The following SPOPL variants were observed in gnomAD, a reference collection of about 807,000 sequenced individuals.
SPOPL encodes the protein speckle type BTB/POZ protein like, also known as speckle-type POZ protein-like.
SPOPL carries 23 observed loss-of-function variants against 53.8 expected under a neutral mutation model. The ratio of observed to expected loss-of-function variants is 0.43; its 90% CI spans 0.31 to 0.61. SPOPL has a LOEUF of 0.61. Among genes scored for constraint, SPOPL ranks in the 20% least tolerant of loss-of-function variants. The probability of loss-of-function intolerance (pLI) is 0.12; values close to 1 mark genes in which losing one functional copy is unlikely to be tolerated. For missense variants in SPOPL, 442 were observed against 466.9 expected, an observed-to-expected ratio of 0.95 and a Z score of 0.49; for synonymous variants, 164 against 149.7, an observed-to-expected ratio of 1.10 and a Z score of -0.70.
At chr2:138,523,698 C>G (rs1420848866) in intron 1 of SPOPL, among the ~76,000 whole-genome samples, 1 of 152,170 alleles carries the variant, frequency 6.6e-6, no homozygotes, top group Non-Finnish European at 1.5e-5. Context: ...CATGCAAATT[C>G]AAAATCCAGC....
rs1018782843 is a variant in SPOPL at position 138,572,955 on chromosome 2, CAGTAAATTTTGCATT to C, written c.*3876_*3890del. On this transcript the variant is annotated 3_prime_UTR_variant, in exon 11 of 11. Transcript: ENST00000280098. ...GAGTTTATCATTGTATACTGTAACC[CAGTAAATTTTGCATT>C]CAGTTTTAAAAAATGAAGATGTAAC... is the stretch of plus-strand genomic sequence containing the variant. 6.6e-6 allele frequency: 1 copy of C among 152,154 alleles called. No individual in the cohort carries two copies. The highest frequency in any genetic ancestry group is 2.4e-5 in the African/African-American group (1 of 41,366). The allele number at this position is 152,154 out of a possible 1,614,324, so 9.4% of individuals were successfully genotyped here.
chr2:138,540,440 TCTC>T (rs1294006334), intron 1 of SPOPL, among the ~76,000 whole-genome samples: 1 of 152,182 alleles, frequency 6.6e-6, no homozygotes, highest in African/African-American at 2.4e-5. Flanking sequence ...GGTTTGTAGT[TCTC>T]CTTGAAGAGG....
chr2:138,542,211 G>A (rs1486634697), intron 1 of SPOPL, among the ~76,000 whole-genome samples: 1 of 152,208 alleles, frequency 6.6e-6, no homozygotes, highest in African/African-American at 2.4e-5. Context: ...TGTATGTTCT[G>A]TTGATTTGGG....
intron 6 of SPOPL, 27 bp from the exon 7 acceptor site, chr2:138,559,255 A>G: frequency 1.2e-6 from 2 of 1,611,582 alleles, no homozygotes; most frequent in Non-Finnish European, 1.7e-6. Context: ...TTTATGCATA[A>G]AATAATGATA....
chr2:138,504,621 C>T (rs1469905116), intron 1 of SPOPL, among the ~76,000 whole-genome samples: 4 of 152,176 alleles, frequency 2.6e-5, no homozygotes, highest in African/African-American at 9.7e-5. Context: ...GAGAGTGGCC[C>T]TTCTCAACCA....
chr2:138,510,331 G>A (rs890516926), intron 1 of SPOPL, among the ~76,000 whole-genome samples: 1 of 152,202 alleles, frequency 6.6e-6, no homozygotes, highest in Non-Finnish European at 1.5e-5. Context: ...TTTTACATTC[G>A]CATCAGCGAT....
intron 1 of SPOPL, 120 bp from the exon 2 acceptor site, chr2:138,550,037 A>G (rs972981632): frequency 2.0e-6 from 1 of 499,568 alleles, no homozygotes; most frequent in Non-Finnish European, 3.6e-6. Context: ...AAATTCTCAC[A>G]TGTTCCTTCA....
chr2:138,562,695 A>T (rs897168937), intron 8 of SPOPL, among the ~76,000 whole-genome samples: 2 of 151,462 alleles, frequency 1.3e-5, no homozygotes, highest in African/African-American at 4.9e-5. Flanking sequence ...GAGGCAGGAG[A>T]ATTGCTTGAA....
intron 1 of SPOPL, among the ~76,000 whole-genome samples, chr2:138,534,268 A>G (rs1684879581): frequency 6.6e-6 from 1 of 152,182 alleles, no homozygotes; most frequent in Non-Finnish European, 1.5e-5. Context: ...TGTGGATCAA[A>G]AATATATGGG....
intron 10 of SPOPL, among the ~76,000 whole-genome samples, chr2:138,568,427 G>A (rs1685711541): frequency 6.6e-6 from 1 of 152,084 alleles, no homozygotes; most frequent in Non-Finnish European, 1.5e-5. Flanking sequence ...TGGGTCTTGA[G>A]GCACATCCAA....
At chr2:138,526,472 G>C (rs571741049) in intron 1 of SPOPL, among the ~76,000 whole-genome samples, 1 of 152,096 alleles carries the variant, frequency 6.6e-6, no homozygotes, top group East Asian at 1.9e-4. Context: ...TAAATTGTGT[G>C]TTAATTTTTA....
intron 1 of SPOPL, among the ~76,000 whole-genome samples, chr2:138,544,825 T>C (rs979061908): frequency 1.3e-5 from 2 of 152,226 alleles, no homozygotes; most frequent in African/African-American, 4.8e-5. Context: ...TCTGCGTCGC[T>C]CACACTGGGA....
chr2:138,517,786 C>G (rs530883489), intron 1 of SPOPL, among the ~76,000 whole-genome samples: 1 of 150,908 alleles, frequency 6.6e-6, no homozygotes, highest in Non-Finnish European at 1.5e-5. Flanking sequence ...GTGGCTCATG[C>G]CTGTAATCCC....
chr2:138,540,844 G>T (rs1211466212), intron 1 of SPOPL, among the ~76,000 whole-genome samples: 1 of 152,162 alleles, frequency 6.6e-6, no homozygotes, highest in African/African-American at 2.4e-5. Flanking sequence ...AATGCTTCCA[G>T]TTTTTGGCCA....
intron 5 of SPOPL, chr2:138,554,321 G>T (rs1573902943): frequency 3.5e-6 from 1 of 285,066 alleles, no homozygotes; most frequent in East Asian, 1.3e-4. Flanking sequence ...GCTGATATAG[G>T]TATTTATACC....
At chr2:138,536,383 ATGT>A (rs1273695507) in intron 1 of SPOPL, among the ~76,000 whole-genome samples, 1 of 151,514 alleles carries the variant, frequency 6.6e-6, no homozygotes, top group African/African-American at 2.4e-5. Context: ...TAAGCCTCTG[ATGT>A]TGCACCTCTG....
intron 1 of SPOPL, among the ~76,000 whole-genome samples, chr2:138,507,817 T>C (rs770563014): frequency 6.6e-6 from 1 of 152,228 alleles, no homozygotes; most frequent in South Asian, 2.1e-4. Flanking sequence ...TAAATATTTC[T>C]TTGTTTTAGT....
intron 1 of SPOPL, among the ~76,000 whole-genome samples, chr2:138,536,023 G>A (rs1684924488): frequency 6.6e-6 from 1 of 150,660 alleles, no homozygotes; most frequent in African/African-American, 2.4e-5. Flanking sequence ...TATTTTTTTT[G>A]TGTGACATTG....
At chr2:138,540,450 G>A (rs1392016908) in intron 1 of SPOPL, among the ~76,000 whole-genome samples, 3 of 152,156 alleles carry the variant, frequency 2.0e-5, no homozygotes, top group Admixed American at 2.0e-4. Context: ...TCTCCTTGAA[G>A]AGGTCCTTCA....
Sources: gnomAD v4.1 joint callset for allele counts (sites outside exome capture counted in the v4.1 genomes callset) on GRCh38, gnomAD v4.1.1 for gene constraint, MANE v1.5 for transcripts, NCBI Gene and HGNC (gene_info 2026-07-23, HGNC 2026-07-21) for gene names.